Variants in CPEB1 observed in about 807,000 individuals in gnomAD.
CPEB1 encodes the protein cytoplasmic polyadenylation element binding protein 1, also known as cytoplasmic polyadenylation element-binding protein 1.
CPEB1 carries 7 observed loss-of-function variants against 65.8 expected under a neutral mutation model. The observed-to-expected ratio is 0.11, with a 90% CI of 0.06 to 0.20. The LOEUF is 0.20. Among genes scored for constraint, CPEB1 ranks in the 10% least tolerant of loss-of-function variants. The pLI is 1.00. For missense variants in CPEB1, 551 were observed against 712.2 expected (o/e 0.77, Z 2.58); for synonymous variants, 262 against 260.0 (o/e 1.01, Z -0.08).
intron 3 of CPEB1, among the ~76,000 whole-genome samples, chr15:82,578,503 C>T (rs1461474968): frequency 6.6e-6 from 1 of 152,148 alleles, no homozygotes; most frequent in African/African-American, 2.4e-5. Context: ...GTGGTTCACA[C>T]CTGTAATCCC....
At chr15:82,647,694 C>G (rs1158478039), upstream of CPEB1, 4 of 487,368 alleles carry the variant, frequency 8.2e-6, no homozygotes, top group Non-Finnish European at 1.2e-5. Flanking sequence ...CACCCCTCCA[C>G]GAGGCCCCAC....
chr15:82,546,728 C>A (rs936932413), intron 11 of CPEB1, among the ~76,000 whole-genome samples: 2 of 152,180 alleles, frequency 1.3e-5, no homozygotes, highest in African/African-American at 2.4e-5. Flanking sequence ...ACACCATGCA[C>A]AGTCAGGCTG....
chr15:82,552,658 G>A lies in CPEB1; in HGVS notation c.1145-42C>T, dbSNP rs1339894769. 6.2e-6 allele frequency: 10 copies of A among 1,608,434 alleles called. No homozygotes were observed. In the South Asian group the frequency reaches 9.9e-5, roughly 16 times the overall value. On this transcript the variant is annotated intron_variant, in intron 8 of 12. Coordinates refer to ENST00000684509, the MANE Select transcript of CPEB1 (RefSeq NM_001365242.1). ...GAAAAATCGCATTAATATCCCTTAG[G>A]TGGCCACTCCTCAGCCTTGGCTTTG...
chr15:82,604,922 G>A (rs2043428221), intron 3 of CPEB1, among the ~76,000 whole-genome samples: 1 of 152,072 alleles, frequency 6.6e-6, no homozygotes, highest in African/African-American at 2.4e-5. Context: ...AGTAGGATAA[G>A]CTCAAAGAGA....
At chr15:82,619,601 G>A (rs1025841812) in intron 3 of CPEB1, among the ~76,000 whole-genome samples, 1 of 152,066 alleles carries the variant, frequency 6.6e-6, no homozygotes, top group African/African-American at 2.4e-5. Flanking sequence ...GAAAAAGGTA[G>A]ATAACCCTAA....
chr15:82,622,320 T>G (rs2045371532), intron 3 of CPEB1, among the ~76,000 whole-genome samples: 1 of 152,068 alleles, frequency 6.6e-6, no homozygotes, highest in South Asian at 2.1e-4. Context: ...AGCTCAGGCC[T>G]TTGCAAAACC....
At chr15:82,572,999 G>A (rs1596046814) in intron 3 of CPEB1, 1 of 1,519,884 alleles carries the variant, frequency 6.6e-7, no homozygotes, top group African/African-American at 1.4e-5. Flanking sequence ...GACTCACCAG[G>A]CAGGCTGCTC....
At chr15:82,596,228 A>G (rs1438247601) in intron 3 of CPEB1, among the ~76,000 whole-genome samples, 1 of 152,194 alleles carries the variant, frequency 6.6e-6, no homozygotes, top group Non-Finnish European at 1.5e-5. Flanking sequence ...AGCAGTTAAG[A>G]CAAGCATGTG....
chr15:82,615,216 C>G (rs1474298487), intron 3 of CPEB1, among the ~76,000 whole-genome samples: 1 of 151,852 alleles, frequency 6.6e-6, no homozygotes, highest in Non-Finnish European at 1.5e-5. Context: ...AAAACTGTAC[C>G]CTATCCTCCC....
chr15:82,599,425 C>T (rs575875513), intron 3 of CPEB1, among the ~76,000 whole-genome samples: 3 of 151,998 alleles, frequency 2.0e-5, no homozygotes, highest in Non-Finnish European at 4.4e-5. Flanking sequence ...TTCAAACTAA[C>T]CTTCTTCCTG....
At chr15:82,581,306 G>A (rs996565830) in intron 3 of CPEB1, among the ~76,000 whole-genome samples, 7 of 152,070 alleles carry the variant, frequency 4.6e-5, no homozygotes, top group African/African-American at 1.4e-4. Flanking sequence ...ATTTTGCATC[G>A]TACACAACAT....
chr15:82,617,724 GTTTT>G (rs35267620), intron 3 of CPEB1, among the ~76,000 whole-genome samples: 28 of 83,854 alleles, frequency 3.3e-4, no homozygotes, highest in African/African-American at 1.3e-3. Flanking sequence ...TTCTATTAAA[GTTTT>G]TTTTTTTTTT....
At chr15:82,587,012 A>G (rs1020588086) in intron 3 of CPEB1, among the ~76,000 whole-genome samples, 1 of 152,156 alleles carries the variant, frequency 6.6e-6, no homozygotes, top group African/African-American at 2.4e-5. Flanking sequence ...AATAGTTGCC[A>G]CCCCCTAGTT....
At chr15:82,641,140 T>C (rs1488764232) in intron 1 of CPEB1, among the ~76,000 whole-genome samples, 2 of 152,126 alleles carry the variant, frequency 1.3e-5, no homozygotes, top group Non-Finnish European at 2.9e-5. Flanking sequence ...ATGTCAGAGA[T>C]TATATCTGGC....
chr15:82,551,241 G>A (rs959510155), intron 9 of CPEB1, among the ~76,000 whole-genome samples: 2 of 152,070 alleles, frequency 1.3e-5, no homozygotes, highest in Admixed American at 1.3e-4. Flanking sequence ...AATAAAATAG[G>A]CATTTCTCCT....
intron 3 of CPEB1, among the ~76,000 whole-genome samples, chr15:82,604,398 T>A (rs1234601319): frequency 1.3e-5 from 2 of 149,954 alleles, no homozygotes; most frequent in Non-Finnish European, 3.0e-5. Context: ...AGGAGAATGG[T>A]GAGAACCCAG....
intron 1 of CPEB1, among the ~76,000 whole-genome samples, chr15:82,639,487 C>CT (rs958050844): frequency 2.1e-4 from 30 of 145,514 alleles, no homozygotes; most frequent in Admixed American, 4.1e-4. Context: ...TTGGGTCTGG[C>CT]TTTTTTTTTT....
chr15:82,559,836 C>G (rs986352358), intron 4 of CPEB1, among the ~76,000 whole-genome samples: 2 of 152,206 alleles, frequency 1.3e-5, no homozygotes, highest in African/African-American at 4.8e-5. Flanking sequence ...GTAATCCCAG[C>G]ACTTTGGGAG....
Position 82,544,418 on chromosome 15 carries a change from A to G in CPEB1, c.*174T>C, listed in dbSNP as rs2034809423. On this transcript the variant is annotated 3_prime_UTR_variant, in exon 13 of 13. Coordinates refer to ENST00000684509, the MANE Select transcript of CPEB1 (RefSeq NM_001365242.1). ...TGAAAACAAAACCTGACAAAACTCA[A>G]TGTGCATTAATTAGTGCAGAAACAA... is the stretch of plus-strand genomic sequence containing the variant. 1 of 582,588 alleles carries G rather than the reference A, an allele frequency of 1.7e-6. No individual in the cohort carries two copies. Among genetic ancestry groups the G allele is most frequent in the East Asian group, 3.0e-5 (1 of 33,888 alleles). 36.1% of individuals were successfully genotyped at this position (582,588 alleles called of 1,614,324 possible). A position where few individuals can be genotyped will look rare whatever the true frequency, so the allele number is the denominator to read the frequency against.
Sources: allele counts gnomAD v4.1 joint callset (sites outside exome capture counted in the v4.1 genomes callset), GRCh38; gene constraint gnomAD v4.1.1; transcripts MANE v1.5; gene names NCBI Gene and HGNC (gene_info 2026-07-23, HGNC 2026-07-21).